Variants in RHCE observed in about 807,000 individuals in gnomAD.
RHCE encodes the protein blood group Rh(CE) polypeptide.
RHCE carries 22 observed loss-of-function variants against 43.8 expected under a neutral mutation model. The observed-to-expected ratio is 0.50, with a 90% CI of 0.36 to 0.72. The LOEUF (loss-of-function observed/expected upper bound fraction) is 0.72, where lower values mean the gene tolerates loss of function less well. Among genes scored for constraint, RHCE ranks in the 30% least tolerant of loss-of-function variants. The pLI, the probability that RHCE is intolerant of heterozygous loss-of-function variation, is 0.00. For missense variants in RHCE, 385 were observed against 525.4 expected (o/e 0.73, Z 2.61); for synonymous variants, 156 against 210.7 (o/e 0.74, Z 2.25).
chr1:25,430,064 G>C (rs535518844), exon 1 of RHCE: 1 of 151,772 alleles, frequency 6.6e-6, no homozygotes, highest in African/African-American at 2.4e-5. Flanking sequence ...GGCCCGGCCC[G>C]GCCCGGAGGC....
At chr1:25,394,940 T>C (rs1289053523) in intron 3 of RHCE, among the ~76,000 whole-genome samples, 1 of 150,930 alleles carries the variant, frequency 6.6e-6, no homozygotes, top group South Asian at 2.1e-4. Flanking sequence ...CCAGGCTGAA[T>C]TGAAGTTTTG....
intron 7 of RHCE, among the ~76,000 whole-genome samples, chr1:25,379,382 T>C (rs1239581342): frequency 2.8e-5 from 4 of 143,104 alleles, no homozygotes; most frequent in African/African-American, 1.0e-4. Flanking sequence ...ATTCAAACCA[T>C]AGCATTCTGC....
chr1:25,379,487 ATATATATAT>A (rs1348331492), intron 7 of RHCE, among the ~76,000 whole-genome samples: 10 of 20,968 alleles, frequency 4.8e-4, no homozygotes, highest in East Asian at 5.2e-3. Flanking sequence ...ATATATATAT[ATATATATAT>A]TTTTTTTTTT....
chr1:25,391,119 G>C lies in RHCE; in HGVS notation c.635-204C>G, dbSNP rs959109643. On this transcript the variant is annotated intron_variant, in intron 4 of 9. Coordinates refer to ENST00000294413, the MANE Select transcript of RHCE (RefSeq NM_020485.8). ...ACAGACAAGGAAACAAAGGCCAAGA[G>C]GGTTGAAATCTGCATACCCCAGGCC... Among the ~76,000 whole-genome samples, 5 of 152,244 alleles carry C rather than the reference G, an allele frequency of 3.3e-5. No individual in the cohort carries two copies. The South Asian group carries it at 6.2e-4, about 19-fold the overall frequency.
At chr1:25,369,759 CAG>C (rs1645549664) in intron 9 of RHCE, among the ~76,000 whole-genome samples, 2 of 89,504 alleles carry the variant, frequency 2.2e-5, no homozygotes, top group Non-Finnish European at 4.4e-5. Flanking sequence ...TTTTTTGAGA[CAG>C]AGTGTCAGCT....
At chr1:25,402,444 T>C in intron 3 of RHCE, 152 bp downstream of exon 3, 1 of 994,492 alleles carries the variant, frequency 1.0e-6, no homozygotes, top group Non-Finnish European at 1.6e-6. Context: ...CAGGCGGGTC[T>C]CAAACTCCTG....
chr1:25,410,403 G>A (rs1163071036), intron 1 of RHCE, among the ~76,000 whole-genome samples: 1 of 151,718 alleles, frequency 6.6e-6, no homozygotes. Flanking sequence ...TTTAGTTTTA[G>A]TGTTTAAATT....
At chr1:25,371,025 G>C (rs1165849165) in intron 8 of RHCE, among the ~76,000 whole-genome samples, 3 of 148,398 alleles carry the variant, frequency 2.0e-5, no homozygotes. Flanking sequence ...CAAATTGCTA[G>C]TATTATAGGC....
At chr1:25,419,811 A>C (rs2042717517) in intron 1 of RHCE, 1 of 138,426 alleles carries the variant, frequency 7.2e-6, no homozygotes, top group Admixed American at 7.3e-5. Context: ...AAGTGAGAAG[A>C]AAGCTGGGGT....
At chr1:25,391,552 C>G (rs1331368596) in intron 4 of RHCE, among the ~76,000 whole-genome samples, 1 of 151,706 alleles carries the variant, frequency 6.6e-6, no homozygotes, top group Admixed American at 6.6e-5. Flanking sequence ...CCTGATAGTC[C>G]TTTGCCTACT....
Position 25,385,821 on chromosome 1 carries a change from C to A in RHCE, c.963G>T (p.Gly321=). 1 of 1,614,022 alleles carries A rather than the reference C, an allele frequency of 6.2e-7. No individual in the cohort carries two copies. Residue 321 remains glycine, a synonymous_variant, in exon 7 of 10, where the codon GGG becomes GGT. Transcript: ENST00000294413. ...CLPVCCNRVL[G]IHHISVMHSI... ...AGTGCATGACGGAGATGTGGTGAAT[C>A]CCCAGCACTCGGTTACAACACACCT...
intron 2 of RHCE, among the ~76,000 whole-genome samples, chr1:25,403,880 C>G (rs1360216269): frequency 1.3e-5 from 2 of 151,822 alleles, no homozygotes; most frequent in African/African-American, 4.9e-5. Context: ...AATTTTAACC[C>G]TATAAGGCTG....
chr1:25,385,469 C>T (rs1220968073), intron 7 of RHCE: 11 of 600,440 alleles, frequency 1.8e-5, no homozygotes, highest in Admixed American at 8.9e-5. Context: ...CAGAAGATTT[C>T]GTGTCTTTGG....
At chr1:25,416,172 G>A (rs923400974) in intron 1 of RHCE, among the ~76,000 whole-genome samples, 1 of 151,988 alleles carries the variant, frequency 6.6e-6, no homozygotes, top group African/African-American at 2.4e-5. Flanking sequence ...GTGCCCTAAG[G>A]GAATATTGGT....
At chr1:25,386,394 C>G (rs538977751) in intron 6 of RHCE, among the ~76,000 whole-genome samples, 1 of 152,296 alleles carries the variant, frequency 6.6e-6, no homozygotes, top group South Asian at 2.1e-4. Flanking sequence ...TGAGGCCACA[C>G]CTCTAGATCC....
intron 7 of RHCE, among the ~76,000 whole-genome samples, chr1:25,377,512 G>A (rs1645825683): frequency 6.6e-6 from 1 of 151,976 alleles, no homozygotes; most frequent in South Asian, 2.1e-4. Flanking sequence ...TTCTTAAACA[G>A]GACATAAAAG....
At chr1:25,428,979 G>A (rs2042826323) in exon 2 of RHCE, 1 of 152,218 alleles carries the variant, frequency 6.6e-6, no homozygotes, top group Non-Finnish European at 1.5e-5. Flanking sequence ...AAGGAGGGTG[G>A]GTCCCCACTG....
intron 9 of RHCE, among the ~76,000 whole-genome samples, chr1:25,368,712 TG>T (rs1368116378): frequency 2.0e-5 from 3 of 149,446 alleles, no homozygotes; most frequent in African/African-American, 5.0e-5. Context: ...GCTCAAAGTG[TG>T]GTGTTTCTCT....
At chr1:25,396,892 T>C (rs1237332021) in intron 3 of RHCE, among the ~76,000 whole-genome samples, 1 of 151,328 alleles carries the variant, frequency 6.6e-6, no homozygotes, top group Non-Finnish European at 1.5e-5. Context: ...GACAGGTGGA[T>C]CAACTGAGGC....
Sources: gnomAD v4.1 joint callset for allele counts (sites outside exome capture counted in the v4.1 genomes callset) on GRCh38, gnomAD v4.1.1 for gene constraint, MANE v1.5 for transcripts, NCBI Gene and HGNC (gene_info 2026-07-23, HGNC 2026-07-21) for gene names.